KIAA1671: variants seen among roughly 807,000 people sequenced by gnomAD.
The protein encoded by KIAA1671 is uncharacterized protein KIAA1671.
Under a neutral mutation model 131.2 loss-of-function variants are expected in KIAA1671, and 52 were observed. The observed-to-expected ratio is 0.40, with a 90% CI of 0.32 to 0.50. The LOEUF is 0.50. Among genes scored for constraint, KIAA1671 ranks in the 20% least tolerant of loss-of-function variants. The pLI, the probability that KIAA1671 is intolerant of heterozygous loss-of-function variation, is 0.73. For missense variants in KIAA1671, 2,360 were observed against 2,364.2 expected (o/e 1.00, Z 0.04); for synonymous variants, 1,003 against 961.6 (o/e 1.04, Z -0.80).
At position 25,140,023 on chromosome 22, in the gene KIAA1671, A is replaced by G. The variant is rs575467349; in HGVS notation, c.4531-30797A>G. Among the ~76,000 whole-genome samples, 179 of 152,330 alleles carry G rather than the reference A, an allele frequency of 1.2e-3. 3 individuals are homozygous for G. In the South Asian group the frequency reaches 0.031, roughly 26 times the overall value. ...AAATGATCACAAACTTAGTGACTTA[A>G]AATAATATAAATATCTCACAGTTTT... is the stretch of plus-strand genomic sequence containing the variant. On this transcript the variant is annotated intron_variant, in intron 6 of 12. Transcript: ENST00000358431.
intron 6 of KIAA1671, among the ~76,000 whole-genome samples, chr22:25,075,190 T>A (rs1462715506): frequency 6.6e-6 from 1 of 152,154 alleles, no homozygotes; most frequent in Non-Finnish European, 1.5e-5. Flanking sequence ...TGTTTGATTG[T>A]CACAGCTGAG....
chr22:25,070,273 G>A, intron 6 of KIAA1671: 1 of 413,978 alleles, frequency 2.4e-6, no homozygotes, highest in Non-Finnish European at 4.4e-6. Flanking sequence ...CCTTGAACTT[G>A]ACTCCAGCGT....
At chr22:25,067,388 A>G (rs1362489911) in intron 6 of KIAA1671, among the ~76,000 whole-genome samples, 1 of 151,958 alleles carries the variant, frequency 6.6e-6, no homozygotes, top group Non-Finnish European at 1.5e-5. Context: ...CTCCCGGGCC[A>G]TCAGTCTGGC....
chr22:24,997,132 T>C (rs1040504359), intron 1 of KIAA1671, among the ~76,000 whole-genome samples: 2 of 152,182 alleles, frequency 1.3e-5, no homozygotes, highest in Non-Finnish European at 2.9e-5. Context: ...GGCAAGGATC[T>C]CTACGACAAA....
At chr22:25,114,794 G>A (rs1451722247) in intron 6 of KIAA1671, among the ~76,000 whole-genome samples, 1 of 152,152 alleles carries the variant, frequency 6.6e-6, no homozygotes, top group Admixed American at 6.5e-5. Flanking sequence ...TTAAATATTC[G>A]TTTTATGGGA....
chr22:24,991,972 G>A (rs1476468133), intron 1 of KIAA1671, among the ~76,000 whole-genome samples: 1 of 152,034 alleles, frequency 6.6e-6, no homozygotes, highest in Non-Finnish European at 1.5e-5. Flanking sequence ...GTCCCCTCCG[G>A]TCTCTTCCCA....
chr22:25,003,831 A>AT lies in KIAA1671; in HGVS notation c.-207-21787dup, dbSNP rs200843388. 6.8e-3 allele frequency among the ~76,000 whole-genome samples: 969 copies of AT among 142,430 alleles called. 7 individuals carry two copies. Among genetic ancestry groups the AT allele is most frequent in the African/African-American group, 0.019 (736 of 38,962 alleles). 93.4% of individuals were successfully genotyped at this position (142,430 alleles called of 152,430 possible). A position where few individuals can be genotyped will look rare whatever the true frequency, so the allele number is the denominator to read the frequency against. On this transcript the variant is annotated intron_variant, in intron 1 of 12. Coordinates refer to ENST00000358431, the MANE Select transcript of KIAA1671 (RefSeq NM_001145206.2). The stretch of plus-strand genomic sequence containing the variant: ...GCATCTATATCAAATAGAAAATAGG[A>AT]TTTTTTTTTTTTTTTGAGCCCTGTC...
chr22:25,047,671 C>G (rs1927323712), intron 5 of KIAA1671, among the ~76,000 whole-genome samples: 2 of 152,180 alleles, frequency 1.3e-5, no homozygotes, highest in Non-Finnish European at 2.9e-5. Flanking sequence ...CGGGGTTTCA[C>G]CATGTTGGCG....
At chr22:25,123,190 G>GTTTTTT (rs59051108) in intron 6 of KIAA1671, among the ~76,000 whole-genome samples, 3 of 63,396 alleles carry the variant, frequency 4.7e-5, no homozygotes, top group Non-Finnish European at 7.9e-5. Context: ...CTGAGATGAG[G>GTTTTTT]TTTTTTTTTT....
chr22:25,115,571 G>A (rs1007921007), intron 6 of KIAA1671, among the ~76,000 whole-genome samples: 7 of 152,106 alleles, frequency 4.6e-5, no homozygotes, highest in South Asian at 4.1e-4. Flanking sequence ...ATAAATGTTC[G>A]TTCCACGTTG....
In KIAA1671 at chr22:25,035,830, C is replaced by G. The variant is rs1009474027; in HGVS notation, c.1630-2930C>G. On this transcript the variant is annotated intron_variant, in intron 4 of 12. Transcript: ENST00000358431. ...AGAAAGGAATAGTTAAGAAATAAAC[C>G]CTTGCTTTACATGTGATGAGATTTT... Among the ~76,000 whole-genome samples, 544 of 152,012 alleles carry G rather than the reference C, an allele frequency of 3.6e-3. 2 individuals carry two copies. Among genetic ancestry groups the G allele is most frequent in the African/African-American group, 0.013 (522 of 41,458 alleles).
At chr22:25,183,023 T>C (rs1321249887) in intron 10 of KIAA1671, among the ~76,000 whole-genome samples, 1 of 152,214 alleles carries the variant, frequency 6.6e-6, no homozygotes, top group Non-Finnish European at 1.5e-5. Flanking sequence ...CTCATAGTCC[T>C]GGAACCAAAT....
At chr22:25,024,597 CT>C (rs1925836793) in intron 1 of KIAA1671, 1 of 152,230 alleles carries the variant, frequency 6.6e-6, no homozygotes. Flanking sequence ...TCCCAGATTG[CT>C]TAGAGTCATT....
At chr22:24,986,662 TCCAC>T (rs1569198991) in intron 1 of KIAA1671, among the ~76,000 whole-genome samples, 3 of 15,804 alleles carry the variant, frequency 1.9e-4, no homozygotes, top group East Asian at 2.2e-3. Flanking sequence ...CACCCACCCA[TCCAC>T]CCACCCATCC....
intron 6 of KIAA1671, among the ~76,000 whole-genome samples, chr22:25,127,675 C>T (rs1932248836): frequency 6.6e-6 from 1 of 152,210 alleles, no homozygotes; most frequent in African/African-American, 2.4e-5. Context: ...CATTCCTATA[C>T]ACGCCTGGGA....
intron 6 of KIAA1671, among the ~76,000 whole-genome samples, chr22:25,143,641 C>T (rs948599127): frequency 6.6e-6 from 1 of 152,120 alleles, no homozygotes; most frequent in African/African-American, 2.4e-5. Flanking sequence ...CCAGCCAGAC[C>T]TTAGCCACCA....
chr22:25,134,905 C>T (rs1303075514), intron 6 of KIAA1671, among the ~76,000 whole-genome samples: 1 of 152,154 alleles, frequency 6.6e-6, no homozygotes, highest in African/African-American at 2.4e-5. Context: ...TTAAATAATA[C>T]AGGTAAAGCA....
intron 1 of KIAA1671, among the ~76,000 whole-genome samples, chr22:25,002,149 T>C (rs1304907739): frequency 6.6e-6 from 1 of 152,142 alleles, no homozygotes; most frequent in Non-Finnish European, 1.5e-5. Context: ...TTTTTGGACT[T>C]AGCATTTGTC....
chr22:25,003,618 T>C (rs1209425628), intron 1 of KIAA1671, among the ~76,000 whole-genome samples: 1 of 151,728 alleles, frequency 6.6e-6, no homozygotes, highest in Non-Finnish European at 1.5e-5. Context: ...TTCACTGTGT[T>C]AGCCAGGATG....
Sources: allele counts gnomAD v4.1 joint callset (sites outside exome capture counted in the v4.1 genomes callset), GRCh38; gene constraint gnomAD v4.1.1; transcripts MANE v1.5; gene names NCBI Gene and HGNC (gene_info 2026-07-23, HGNC 2026-07-21).